TTC28: variants seen among roughly 807,000 people sequenced by gnomAD.
The protein encoded by TTC28 is tetratricopeptide repeat domain 28.
TTC28 carries 61 observed loss-of-function variants against 198.0 expected under a neutral mutation model. The ratio of observed to expected loss-of-function variants is 0.31; its 90% CI spans 0.25 to 0.38. TTC28 has a LOEUF of 0.38. TTC28 is among the 10% of genes least tolerant of loss of function. The pLI is 1.00. For synonymous variants in TTC28, 1,171 were observed against 1,297.8 expected (o/e 0.90, Z 2.10); for missense variants, 2,678 against 3,164.0 (o/e 0.85, Z 3.69).
rs58534561 is a variant in TTC28, at chr22:27,999,463, A to G, written c.4399-203T>C. ...CTTACTGAGAATCATGCCTGCTGTG[A>G]TGAGCCCTTGGAAACCATCAGGACT... On this transcript the variant is annotated intron_variant, in intron 15 of 22. Transcript: ENST00000397906. 4.0e-3 allele frequency: 3,103 copies of G among 772,014 alleles called. 102 individuals carry two copies. In the African/African-American group the frequency reaches 0.051, roughly 13 times the overall value. The allele number at this position is 772,014 out of a possible 1,614,324, so 47.8% of individuals were successfully genotyped here. A position where few individuals can be genotyped will look rare whatever the true frequency, so the allele number is the denominator to read the frequency against.
chr22:28,054,471 G>A (rs556894066), intron 12 of TTC28, among the ~76,000 whole-genome samples: 9 of 152,236 alleles, frequency 5.9e-5, no homozygotes, highest in African/African-American at 2.2e-4. Flanking sequence ...TTTGAGCCAT[G>A]TCTTTGGCCC....
At chr22:28,434,481 C>T (rs927587345) in intron 2 of TTC28, among the ~76,000 whole-genome samples, 8 of 152,104 alleles carry the variant, frequency 5.3e-5, no homozygotes, top group African/African-American at 1.9e-4. Context: ...GTCAAGAGTT[C>T]GAGACCAGCC....
intron 2 of TTC28, among the ~76,000 whole-genome samples, chr22:28,516,221 T>C (rs1334027582): frequency 6.6e-6 from 1 of 152,182 alleles, no homozygotes; most frequent in Non-Finnish European, 1.5e-5. Context: ...TTAACATTTT[T>C]AAATAGTAAA....
At chr22:27,983,992 C>A in intron 22 of TTC28, 141 bp from the exon 23 acceptor site, 1 of 965,188 alleles carries the variant, frequency 1.0e-6, no homozygotes, top group Non-Finnish European at 1.5e-6. Context: ...TCTTACAATC[C>A]TCAAAAACAT....
intron 2 of TTC28, among the ~76,000 whole-genome samples, chr22:28,318,821 T>C (rs1027718584): frequency 7.3e-6 from 1 of 137,472 alleles, no homozygotes; most frequent in Admixed American, 7.3e-5. Context: ...TCTTTTTTTT[T>C]TTTTTTTTTT....
intron 5 of TTC28, among the ~76,000 whole-genome samples, chr22:28,208,826 C>T (rs1926645375): frequency 6.6e-6 from 1 of 152,008 alleles, no homozygotes; most frequent in African/African-American, 2.4e-5. Flanking sequence ...CCAATTTCGG[C>T]CTCTGGGAAG....
At chr22:28,375,366 T>G (rs567988027) in intron 2 of TTC28, among the ~76,000 whole-genome samples, 1 of 152,282 alleles carries the variant, frequency 6.6e-6, no homozygotes, top group East Asian at 1.9e-4. Context: ...AAACTGAGGA[T>G]TAGAAAGAAT....
At chr22:28,536,693 G>T (rs2049287911) in intron 2 of TTC28, among the ~76,000 whole-genome samples, 1 of 152,166 alleles carries the variant, frequency 6.6e-6, no homozygotes, top group African/African-American at 2.4e-5. Flanking sequence ...TCCTTTCTTG[G>T]ACGGAAAGAC....
intron 5 of TTC28, among the ~76,000 whole-genome samples, chr22:28,259,471 A>G (rs1931173706): frequency 6.6e-6 from 1 of 152,120 alleles, no homozygotes; most frequent in Non-Finnish European, 1.5e-5. Context: ...TACTAGAGAT[A>G]ACAGAGTAAC....
At chr22:28,579,395 C>T (rs542439979) in intron 2 of TTC28, among the ~76,000 whole-genome samples, 144 of 148,510 alleles carry the variant, frequency 9.7e-4, no homozygotes, top group Non-Finnish European at 1.6e-3. Flanking sequence ...TAGCTATATA[C>T]ATATATAACT....
rs1937061886 is a variant in TTC28 at position 27,982,644 on chromosome 22, G to A, written c.7023C>T (p.Asp2341=). The A allele has an allele frequency of 6.4e-7, 1 of 1,551,742 alleles. No individual in the cohort carries two copies. The highest frequency in any genetic ancestry group is 8.7e-7 in the Non-Finnish European group (1 of 1,147,014). Residue 2341 remains aspartate, a synonymous_variant, in exon 23 of 23, where the codon GAC becomes GAT. Transcript: ENST00000397906. The surrounding 1 kb of genome is among the most constrained non-coding windows in gnomAD (Gnocchi z 5.2). ...SARSSPADAP[D]IDKLKMAAID... is the part of the protein sequence containing the mutation. ...TGGCTGCCATTTTCAGTTTGTCTAT[G>A]TCGGGAGCGTCTGCTGGACTTGAGC...
At chr22:28,141,198 G>A (rs533602326) in intron 6 of TTC28, among the ~76,000 whole-genome samples, 7 of 152,194 alleles carry the variant, frequency 4.6e-5, no homozygotes, top group South Asian at 4.2e-4. Flanking sequence ...TTGACCACAC[G>A]ATTGAAAATG....
intron 12 of TTC28, among the ~76,000 whole-genome samples, chr22:28,087,023 C>T (rs1487461707): frequency 1.3e-5 from 2 of 152,124 alleles, no homozygotes; most frequent in Non-Finnish European, 2.9e-5. Flanking sequence ...TAATCAATAG[C>T]TTACCAACCA....
intron 21 of TTC28, among the ~76,000 whole-genome samples, chr22:27,986,665 T>C (rs1169908975): frequency 6.6e-6 from 1 of 152,150 alleles, no homozygotes; most frequent in Non-Finnish European, 1.5e-5. Flanking sequence ...CAGCATGCTA[T>C]GTGTCGTGAC....
At chr22:28,299,244 A>G (rs2044965217) in intron 3 of TTC28, among the ~76,000 whole-genome samples, 1 of 149,406 alleles carries the variant, frequency 6.7e-6, no homozygotes. Flanking sequence ...TGCACATGTA[A>G]AAAAAAAAAA....
At chr22:28,066,275 CGTGTGTGTGTGTGTGTGT>C (rs796325170) in intron 12 of TTC28, among the ~76,000 whole-genome samples, 1 of 135,602 alleles carries the variant, frequency 7.4e-6, no homozygotes, top group Non-Finnish European at 1.7e-5. Flanking sequence ...ACCTAGTTAC[CGTGTGTGTGTGTGTGTGT>C]GTGTGTGTGT....
chr22:28,634,644 G>A (rs555927162), intron 1 of TTC28, among the ~76,000 whole-genome samples: 7 of 149,926 alleles, frequency 4.7e-5, no homozygotes, highest in East Asian at 2.0e-4. Context: ...GGAGGGCAGC[G>A]GAGTGATCTT....
intron 5 of TTC28, among the ~76,000 whole-genome samples, chr22:28,288,951 C>T (rs559044745): frequency 6.6e-6 from 1 of 152,316 alleles, no homozygotes; most frequent in African/African-American, 2.4e-5. Context: ...TATCTACTCA[C>T]AGCAGCAGCT....
chr22:27,985,129 C>T (rs1296163315), intron 22 of TTC28, 120 bp downstream of exon 22: 2 of 713,860 alleles, frequency 2.8e-6, no homozygotes, highest in African/African-American at 1.8e-5. Context: ...CCCTAACAAA[C>T]ATACACAAAA....
Sources: gnomAD v4.1 joint callset for allele counts (sites outside exome capture counted in the v4.1 genomes callset) on GRCh38, gnomAD v4.1.1 for gene constraint, Gnocchi (gnomAD v3.1) non-coding constraint, MANE v1.5 for transcripts, NCBI Gene and HGNC (gene_info 2026-07-23, HGNC 2026-07-21) for gene names.